The following TTLL12 variants were observed in gnomAD, a reference collection of about 807,000 sequenced individuals.
The protein encoded by TTLL12 is tubulin tyrosine ligase like 12.
TTLL12 carries 77 observed loss-of-function variants against 79.6 expected under a neutral mutation model. That is an observed-to-expected ratio of 0.97 (90% CI 0.81 to 1.17). TTLL12 has a LOEUF of 1.17. TTLL12 is among the 50% of genes most tolerant of loss of function. TTLL12 has a pLI of 0.00. For missense variants in TTLL12, 969 were observed against 895.9 expected (o/e 1.08, Z -1.04); for synonymous variants, 437 against 376.1 (o/e 1.16, Z -1.87).
intron 1 of TTLL12, among the ~76,000 whole-genome samples, chr22:43,185,472 G>T (rs1230715517): frequency 6.6e-6 from 1 of 151,970 alleles, no homozygotes; most frequent in South Asian, 2.1e-4. Context: ...AGGAAGAGCT[G>T]CAAGTTTGTG....
rs1180156920 is a variant in TTLL12 at position 43,167,087 on chromosome 22, A to C, written c.*921T>G. The C allele has an allele frequency of 4.6e-6, 2 of 437,182 alleles. No homozygotes were observed. Among genetic ancestry groups the C allele is most frequent in the Admixed American group, 2.9e-5 (1 of 34,210 alleles). 27.1% of individuals were successfully genotyped at this position (437,182 alleles called of 1,614,324 possible). The stretch of plus-strand genomic sequence containing the variant: ...TCCCATACATTAAAAAATAAGAAAA[A>C]GCCAACATTTTGACTGTAGACCCTG... On this transcript the variant is annotated 3_prime_UTR_variant, in exon 14 of 14. Transcript: ENST00000216129.
chr22:43,182,923 C>T, intron 2 of TTLL12, 57 bp downstream of exon 2: 1 of 1,581,224 alleles, frequency 6.3e-7, no homozygotes, highest in South Asian at 1.1e-5. Context: ...TGCATTACTG[C>T]ATCTCCCACC....
At chr22:43,179,206 T>A (rs2147073753) in intron 5 of TTLL12, among the ~76,000 whole-genome samples, 1 of 152,218 alleles carries the variant, frequency 6.6e-6, no homozygotes, top group Non-Finnish European at 1.5e-5. Context: ...TTGTTATCAA[T>A]AACAGTGACC....
In TTLL12 at chr22:43,176,304, G is replaced by GC. The variant is rs768811707; in HGVS notation, c.917+15_917+16insG. The GC allele has an allele frequency of 7.2e-5, 110 of 1,535,020 alleles. No homozygotes were observed. Among genetic ancestry groups the GC allele is most frequent in the Admixed American group, 4.8e-4 (25 of 51,916 alleles). On this transcript the variant is annotated intron_variant, in intron 6 of 13. Coordinates refer to ENST00000216129, the MANE Select transcript of TTLL12 (RefSeq NM_015140.4). ...CGGACAAGTCCCAGCCCAAGCAGTG[G>GC]GGGGGGGCTACGCACTTGAAGATGT...
chr22:43,186,711 C>G (rs956773911), intron 1 of TTLL12, among the ~76,000 whole-genome samples, 182 bp downstream of exon 1: 2 of 152,186 alleles, frequency 1.3e-5, no homozygotes, highest in African/African-American at 2.4e-5. Flanking sequence ...CGCAGGTACC[C>G]CGGTCTCCTG....
chr22:43,168,480 G>A (rs1400526753), intron 13 of TTLL12, among the ~76,000 whole-genome samples: 1 of 151,902 alleles, frequency 6.6e-6, no homozygotes, highest in African/African-American at 2.4e-5. Context: ...TGGGGGTCTG[G>A]CACAGGGAAG....
chr22:43,167,063 C>T lies in TTLL12; in HGVS notation c.*945G>A. 2.6e-6 allele frequency: 1 copy of T among 379,070 alleles called. No individual in the cohort carries two copies. The highest frequency in any genetic ancestry group is 2.1e-5 in the South Asian group (1 of 48,014). 23.5% of individuals were successfully genotyped at this position (379,070 alleles called of 1,614,324 possible). On this transcript the variant is annotated 3_prime_UTR_variant, in exon 14 of 14. Transcript: ENST00000216129. Reference sequence around the variant, plus strand: ...AAGAACTGGAATTTTACATTTTTCTCCCATACATTAAAAAATAAGAAAAAG... The same window carrying T: ...AAGAACTGGAATTTTACATTTTTCTTCCATACATTAAAAAATAAGAAAAAG...
chr22:43,183,119 T>C lies in TTLL12; in HGVS notation c.208A>G (p.Met70Val). The change falls in exon 2 of 14, where the codon ATG (methionine) becomes GTG (valine). Residue 70 changes from methionine (M) to valine (V), a missense_variant. By Grantham distance (21) the Met-to-Val change is conservative. Coordinates refer to ENST00000216129, the MANE Select transcript of TTLL12 (RefSeq NM_015140.4). Reference sequence around the variant, plus strand: ...TCCTCTTCTACCTCCTCCACTTGCATGATCCCAAACACTTCCCCAGCGTCG... The same window carrying C: ...TCCTCTTCTACCTCCTCCACTTGCACGATCCCAAACACTTCCCCAGCGTCG... ...VFDAGEVFGI[M>V]QVEEVEEEED... The C allele has an allele frequency of 6.2e-7, 1 of 1,613,902 alleles. No individual in the cohort carries two copies. The highest frequency in any genetic ancestry group is 8.5e-7 in the Non-Finnish European group (1 of 1,179,986).
At chr22:43,177,552 CCT>C (rs2147072420) in intron 5 of TTLL12, among the ~76,000 whole-genome samples, 1 of 152,298 alleles carries the variant, frequency 6.6e-6, no homozygotes, top group South Asian at 2.1e-4. Context: ...CCTGAGGCTT[CCT>C]CTCTGCTCTC....
At chr22:43,170,206 C>A (rs1398898476) in intron 11 of TTLL12, 1 of 339,744 alleles carries the variant, frequency 2.9e-6, no homozygotes, top group East Asian at 7.8e-5. Flanking sequence ...CCGGGATGAC[C>A]CCCACAGTAC....
chr22:43,180,286 G>A (rs531434732), intron 3 of TTLL12, among the ~76,000 whole-genome samples: 73 of 152,190 alleles, frequency 4.8e-4, no homozygotes, highest in Non-Finnish European at 9.0e-4. Context: ...ATGGGTTTGA[G>A]GGTAATGGGG....
At chr22:43,184,597 A>G (rs1391454339) in intron 1 of TTLL12, among the ~76,000 whole-genome samples, 1 of 152,204 alleles carries the variant, frequency 6.6e-6, no homozygotes, top group Non-Finnish European at 1.5e-5. Flanking sequence ...GAGACAAGGC[A>G]CCTGAGACAA....
chr22:43,178,323 A>AT lies in TTLL12; in HGVS notation c.840+1295dup, dbSNP rs34712260. 1.8e-3 allele frequency among the ~76,000 whole-genome samples: 231 copies of AT among 125,302 alleles called. 2 individuals are homozygous for AT. The highest frequency in any genetic ancestry group is 2.9e-3 in the African/African-American group (100 of 33,972). The allele number at this position is 125,302 out of a possible 152,430, so 82.2% of individuals were successfully genotyped here. ...CCACCACTCCACACACGCCCGCTCTATTTTTTTTTTTTTTTTGAGACGGAG... is the reference window on the plus strand; with the variant it reads ...CCACCACTCCACACACGCCCGCTCTATTTTTTTTTTTTTTTTTGAGACGGAG... On this transcript the variant is annotated intron_variant, in intron 5 of 13. Transcript: ENST00000216129.
chr22:43,184,712 G>T (rs7284585), intron 1 of TTLL12, among the ~76,000 whole-genome samples: 3 of 152,196 alleles, frequency 2.0e-5, no homozygotes, highest in African/African-American at 7.2e-5. Flanking sequence ...TCCAGACCTC[G>T]GGCTTCCGCC....
chr22:43,169,700 AC>A (rs1290673012), intron 11 of TTLL12, 132 bp from the exon 12 acceptor site: 1 of 851,214 alleles, frequency 1.2e-6, no homozygotes, highest in Non-Finnish European at 1.9e-6. Context: ...CCAACCCCGA[AC>A]CCTCAGGGTC....
intron 9 of TTLL12, 49 bp downstream of exon 9, chr22:43,173,666 T>G: frequency 6.4e-7 from 1 of 1,557,802 alleles, no homozygotes; most frequent in Middle Eastern, 1.7e-4. Flanking sequence ...CACCTCTCAC[T>G]GTCCAGCCAG....
At chr22:43,176,600 C>G (rs1191628855) in intron 5 of TTLL12, among the ~76,000 whole-genome samples, 1 of 151,798 alleles carries the variant, frequency 6.6e-6, no homozygotes, top group Non-Finnish European at 1.5e-5. Context: ...CATGGTGGCG[C>G]GTGCCTGTAA....
At chr22:43,170,870 T>C (rs915250680) in intron 11 of TTLL12, among the ~76,000 whole-genome samples, 2 of 152,196 alleles carry the variant, frequency 1.3e-5, no homozygotes, top group Non-Finnish European at 2.9e-5. Flanking sequence ...GCCCAGATCA[T>C]GCCTCCGCAC....
At chr22:43,181,556 A>G (rs1352276588) in intron 2 of TTLL12, among the ~76,000 whole-genome samples, 1 of 152,232 alleles carries the variant, frequency 6.6e-6, no homozygotes, top group Non-Finnish European at 1.5e-5. Flanking sequence ...GAGCTGCTAC[A>G]GAAGCATGCT....
Sources: allele counts gnomAD v4.1 joint callset (sites outside exome capture counted in the v4.1 genomes callset), GRCh38; gene constraint gnomAD v4.1.1; transcripts MANE v1.5; gene names NCBI Gene and HGNC (gene_info 2026-07-23, HGNC 2026-07-21).